ARHGAP26: variants seen among roughly 807,000 people sequenced by gnomAD.
ARHGAP26 encodes rho GTPase-activating protein 26.
A neutral mutation model predicts 104.8 loss-of-function variants in ARHGAP26; 38 were observed. That is an observed-to-expected ratio of 0.36 (90% CI 0.28 to 0.48). The LOEUF is 0.48. ARHGAP26 is among the 20% of genes least tolerant of loss of function. The pLI, the probability that ARHGAP26 is intolerant of heterozygous loss-of-function variation, is 0.99. For missense variants in ARHGAP26, 704 were observed against 947.9 expected (o/e 0.74, Z 3.38); for synonymous variants, 341 against 340.0 (o/e 1.00, Z -0.03).
chr5:143,163,134 C>T (rs1033813889), intron 20 of ARHGAP26, among the ~76,000 whole-genome samples: 6 of 151,476 alleles, frequency 4.0e-5, no homozygotes, highest in South Asian at 4.2e-4. Flanking sequence ...AAGAAAAAGA[C>T]ACTATTCGAG....
chr5:142,903,429 G>A (rs1760662271), intron 7 of ARHGAP26, 111 bp from the exon 8 acceptor site: 2 of 1,225,322 alleles, frequency 1.6e-6, no homozygotes, highest in Admixed American at 2.5e-5. Flanking sequence ...GTTCCTGGAA[G>A]GTTGAATGTC....
intron 5 of ARHGAP26, among the ~76,000 whole-genome samples, chr5:142,892,366 A>G (rs759440185): frequency 2.0e-5 from 3 of 152,012 alleles, no homozygotes; most frequent in Non-Finnish European, 4.4e-5. Flanking sequence ...CCACCAGGAC[A>G]GAAATCCCAG....
intron 11 of ARHGAP26, among the ~76,000 whole-genome samples, chr5:142,961,800 T>C (rs1459782707): frequency 2.0e-5 from 3 of 152,244 alleles, no homozygotes; most frequent in Non-Finnish European, 4.4e-5. Flanking sequence ...TAAAATTAAA[T>C]AAATGATCAT....
intron 11 of ARHGAP26, among the ~76,000 whole-genome samples, chr5:142,992,520 T>C (rs1775767391): frequency 6.6e-6 from 1 of 151,218 alleles, no homozygotes; most frequent in Admixed American, 6.6e-5. Context: ...TGCAACCTCC[T>C]GGGTTCACGT....
chr5:143,179,069 C>T (rs905791464), intron 20 of ARHGAP26, among the ~76,000 whole-genome samples: 1 of 152,106 alleles, frequency 6.6e-6, no homozygotes, highest in East Asian at 1.9e-4. Flanking sequence ...CCGGTTTCAC[C>T]ATGTTGGCCA....
intron 5 of ARHGAP26, among the ~76,000 whole-genome samples, chr5:142,887,940 G>C (rs940205053): frequency 1.3e-5 from 2 of 152,012 alleles, no homozygotes; most frequent in South Asian, 2.1e-4. Flanking sequence ...ACTCCAGCCT[G>C]GGCGACAGAG....
In ARHGAP26 at chr5:143,112,864, T is replaced by C. The variant is rs150912458; in HGVS notation, c.1539-8124T>C. On this transcript the variant is annotated intron_variant, in intron 17 of 22. Coordinates refer to ENST00000645722, the MANE Select transcript of ARHGAP26 (RefSeq NM_001135608.3). ...TTTTGCTTATCTGTTCATCCATCAG[T>C]AGACATTTGGGTTGCTTCTGCATTT... Among the ~76,000 whole-genome samples, 633 of 152,364 alleles carry C rather than the reference T, an allele frequency of 4.2e-3. 4 individuals are homozygous for C. The highest frequency in any genetic ancestry group is 0.014 in the African/African-American group (583 of 41,588).
At chr5:142,932,174 T>C in intron 11 of ARHGAP26, 49 bp downstream of exon 11, 1 of 1,556,200 alleles carries the variant, frequency 6.4e-7, no homozygotes, top group Non-Finnish European at 8.9e-7. Context: ...CCCTGAGTTG[T>C]TTGTTGCTTC....
chr5:143,165,842 G>C (rs191026987), intron 20 of ARHGAP26, among the ~76,000 whole-genome samples: 2 of 152,130 alleles, frequency 1.3e-5, no homozygotes, highest in East Asian at 3.8e-4. Context: ...TGAGTACGAC[G>C]AACAGTTCCT....
intron 20 of ARHGAP26, among the ~76,000 whole-genome samples, chr5:143,184,823 G>A (rs1804902788): frequency 6.6e-6 from 1 of 152,192 alleles, no homozygotes; most frequent in South Asian, 2.1e-4. Context: ...GGGGAGAGGA[G>A]GGAAGGAACG....
At chr5:142,979,287 G>A (rs780241550) in intron 11 of ARHGAP26, among the ~76,000 whole-genome samples, 4 of 152,162 alleles carry the variant, frequency 2.6e-5, no homozygotes, top group East Asian at 1.9e-4. Context: ...TCATCTGGGC[G>A]TTGTTTCTCT....
intron 14 of ARHGAP26, among the ~76,000 whole-genome samples, chr5:143,046,920 A>C (rs1417743792): frequency 6.6e-6 from 1 of 152,202 alleles, no homozygotes; most frequent in Admixed American, 6.5e-5. Context: ...TGACATCAAA[A>C]TGTTATATTA....
At chr5:143,022,207 G>A (rs573923670) in intron 12 of ARHGAP26, among the ~76,000 whole-genome samples, 12 of 152,226 alleles carry the variant, frequency 7.9e-5, no homozygotes, top group Admixed American at 5.9e-4. Context: ...TAGTAGCTGG[G>A]ATTACAGGTG....
chr5:142,980,589 A>G (rs1773798559), intron 11 of ARHGAP26, among the ~76,000 whole-genome samples: 1 of 151,896 alleles, frequency 6.6e-6, no homozygotes, highest in African/African-American at 2.4e-5. Context: ...GGGTTTCACC[A>G]TGTTGGCCAG....
intron 11 of ARHGAP26, among the ~76,000 whole-genome samples, chr5:142,956,695 T>A (rs1236402671): frequency 1.3e-5 from 2 of 152,206 alleles, no homozygotes; most frequent in East Asian, 3.8e-4. Flanking sequence ...ATTTTTACAC[T>A]GCTGATAAAG....
chr5:142,791,718 C>T (rs1281633902), intron 1 of ARHGAP26, among the ~76,000 whole-genome samples: 4 of 152,104 alleles, frequency 2.6e-5, no homozygotes, highest in Admixed American at 1.3e-4. Context: ...AATCCCAGCA[C>T]TTTGGGAGGC....
intron 20 of ARHGAP26, 51 bp downstream of exon 20, chr5:143,147,432 C>T: frequency 1.3e-6 from 2 of 1,577,822 alleles, no homozygotes; most frequent in South Asian, 1.2e-5. Context: ...GTCAGCCATT[C>T]CACCTAGAAT....
At chr5:143,108,312 T>G (rs1485792767) in intron 17 of ARHGAP26, among the ~76,000 whole-genome samples, 1 of 152,222 alleles carries the variant, frequency 6.6e-6, no homozygotes. Context: ...CCAGTAATTT[T>G]CATGGATGTT....
Position 142,924,524 on chromosome 5 carries a change from G to A in ARHGAP26, c.1029-7523G>A, listed in dbSNP as rs184220722. Among the ~76,000 whole-genome samples, 838 of 152,358 alleles carry A rather than the reference G, an allele frequency of 5.5e-3. 10 individuals are homozygous for A. Among genetic ancestry groups the A allele is most frequent in the African/African-American group, 0.019 (798 of 41,594 alleles). On this transcript the variant is annotated intron_variant, in intron 10 of 22. Coordinates refer to ENST00000645722, the MANE Select transcript of ARHGAP26 (RefSeq NM_001135608.3). ...TTGTGAAGAATGAATGATAATACAA[G>A]TAAAGTCCTTAGCACAGTGGTTAGC...
Sources: gnomAD v4.1 joint callset for allele counts (sites outside exome capture counted in the v4.1 genomes callset) on GRCh38, gnomAD v4.1.1 for gene constraint, MANE v1.5 for transcripts, NCBI Gene and HGNC (gene_info 2026-07-23, HGNC 2026-07-21) for gene names.